RASA1: variants seen among roughly 807,000 people sequenced by gnomAD.
RASA1 encodes the protein ras GTPase-activating protein 1.
Under a neutral mutation model 132.2 loss-of-function variants are expected in RASA1, and 25 were observed. That is an observed-to-expected ratio of 0.19 (90% CI 0.14 to 0.26). The LOEUF is 0.26. Ranked by LOEUF, RASA1 falls within the 10% of genes least tolerant of loss-of-function variation. RASA1 has a pLI of 1.00. For missense variants in RASA1, 964 were observed against 1,299.2 expected, an observed-to-expected ratio of 0.74 and a Z score of 3.97; for synonymous variants, 477 against 449.9, an observed-to-expected ratio of 1.06 and a Z score of -0.76.
intron 24 of RASA1, among the ~76,000 whole-genome samples, chr5:87,390,472 CT>C (rs763324769): frequency 1.5e-4 from 22 of 151,598 alleles, no homozygotes; most frequent in Non-Finnish European, 2.8e-4. Flanking sequence ...CTTGACTTGC[CT>C]TAGATATTAA....
intron 1 of RASA1, among the ~76,000 whole-genome samples, chr5:87,286,978 T>C (rs1336910052): frequency 6.7e-6 from 1 of 148,674 alleles, no homozygotes; most frequent in African/African-American, 2.5e-5. Flanking sequence ...ACCATATATA[T>C]ACCATATATA....
intron 1 of RASA1, chr5:87,294,109 A>G (rs1755018368): frequency 2.0e-5 from 3 of 152,180 alleles, no homozygotes; most frequent in Middle Eastern, 3.4e-3. Flanking sequence ...TTATCTGCTT[A>G]CTTTGGAGTT....
At chr5:87,296,971 C>G (rs1264583535) in intron 1 of RASA1, among the ~76,000 whole-genome samples, 1 of 150,486 alleles carries the variant, frequency 6.6e-6, no homozygotes, top group African/African-American at 2.4e-5. Context: ...TCTTTTTTTT[C>G]TTTGCTTTTC....
intron 1 of RASA1, among the ~76,000 whole-genome samples, chr5:87,285,342 C>T (rs965797243): frequency 6.6e-6 from 1 of 152,016 alleles, no homozygotes; most frequent in Non-Finnish European, 1.5e-5. Flanking sequence ...GCTGGGATTA[C>T]AGGCGTGAGC....
chr5:87,365,883 T>C (rs1280767457), intron 11 of RASA1, among the ~76,000 whole-genome samples: 1 of 152,186 alleles, frequency 6.6e-6, no homozygotes, highest in Non-Finnish European at 1.5e-5. Context: ...ATTATATATA[T>C]GTTTGTCTGT....
chr5:87,362,591 A>C lies in RASA1; in HGVS notation c.1373A>C (p.Glu458Ala), dbSNP rs772447424. Residue 458 changes from glutamate (E) to alanine (A), a missense_variant, in exon 10 of 25, where the codon GAA (glutamate) becomes GCA (alanine). By Grantham distance (107) the Glu-to-Ala change is moderately radical. Transcript: ENST00000274376. The stretch of plus-strand genomic sequence containing the variant: ...CTCAATGACACAGTGGATGGCAAGG[A>C]AATCTATAATACCATCCGTCGTAAA... The part of the protein sequence containing the change: ...QVLNDTVDGK[E>A]IYNTIRRKTK... The C allele has an allele frequency of 1.8e-5, 29 of 1,596,678 alleles. No homozygotes were observed. The highest frequency in any genetic ancestry group is 4.0e-5 in the African/African-American group (3 of 74,522).
chr5:87,298,399 C>T (rs1371509936), intron 1 of RASA1, among the ~76,000 whole-genome samples: 1 of 140,312 alleles, frequency 7.1e-6, no homozygotes, highest in Non-Finnish European at 1.5e-5. Flanking sequence ...GACGACAGAG[C>T]GAGACTCTGT....
At chr5:87,375,293 T>C (rs1761247612) in intron 15 of RASA1, among the ~76,000 whole-genome samples, 1 of 152,042 alleles carries the variant, frequency 6.6e-6, no homozygotes, top group Non-Finnish European at 1.5e-5. Context: ...GGAGTCTTGC[T>C]CTTGTTGCTC....
At chr5:87,270,409 G>A (rs1753774223) in intron 1 of RASA1, among the ~76,000 whole-genome samples, 1 of 147,166 alleles carries the variant, frequency 6.8e-6, no homozygotes, top group Non-Finnish European at 1.5e-5. Flanking sequence ...GTGCAGTGGC[G>A]TGATCTCGGC....
intron 1 of RASA1, among the ~76,000 whole-genome samples, chr5:87,314,741 A>G (rs958243228): frequency 2.0e-5 from 3 of 146,796 alleles, no homozygotes; most frequent in Non-Finnish European, 3.0e-5. Context: ...ATGGTCATTT[A>G]AAAAAAAAAA....
At position 87,374,847 on chromosome 5, in the gene RASA1, C is replaced by T; in HGVS notation, c.1942C>T (p.Pro648Ser). 1 of 1,608,956 alleles carries T rather than the reference C, an allele frequency of 6.2e-7. No homozygotes were observed. Among genetic ancestry groups the T allele is most frequent in the South Asian group, 1.1e-5 (1 of 90,928 alleles). Residue 648 changes from proline (P) to serine (S), a missense_variant, in exon 15 of 25, where the codon CCT becomes TCT. By Grantham distance (74) the Pro-to-Ser change is moderately conservative. This residue lies in a region of RASA1 where 346 missense variants were observed against 520.1 expected (regional missense o/e 0.67). Transcript: ENST00000274376. ...TTCTCCTTGCTCCTTTAGTGATCTT[C>T]CTCCTGACATCAATAGATTTGAAAT... is the stretch of plus-strand genomic sequence containing the variant. ...WSEEFVFDDLPPDINRFEITL... is the reference protein window; with the variant it reads ...WSEEFVFDDLSPDINRFEITL...
chr5:87,378,271 C>T, intron 17 of RASA1, 125 bp from the exon 18 acceptor site: 1 of 1,086,832 alleles, frequency 9.2e-7, no homozygotes, highest in Admixed American at 1.8e-5. Context: ...ACTTTCAACG[C>T]TGCACGCAAA....
chr5:87,373,339 C>T (rs1015650508), intron 13 of RASA1, among the ~76,000 whole-genome samples: 3 of 151,978 alleles, frequency 2.0e-5, no homozygotes, highest in African/African-American at 4.8e-5. Context: ...AGATGATTTA[C>T]GGCATACAGG....
chr5:87,337,388 G>C (rs1169276350), intron 4 of RASA1, among the ~76,000 whole-genome samples: 1 of 152,004 alleles, frequency 6.6e-6, no homozygotes, highest in Non-Finnish European at 1.5e-5. Context: ...TTCAGAGAAA[G>C]AATGCTGTAC....
intron 1 of RASA1, chr5:87,269,278 C>G (rs1028532530): frequency 1.4e-5 from 21 of 1,536,924 alleles, no homozygotes; most frequent in Non-Finnish European, 1.7e-5. Context: ...TCTGTCCCTT[C>G]CAAGTTGAGG....
intron 1 of RASA1, among the ~76,000 whole-genome samples, chr5:87,285,836 C>T (rs1199593953): frequency 6.6e-6 from 1 of 151,874 alleles, no homozygotes; most frequent in East Asian, 2.0e-4. Context: ...CCAGGCTGCT[C>T]TCGAACTCCT....
At chr5:87,360,715 C>T (rs913660928) in intron 9 of RASA1, among the ~76,000 whole-genome samples, 3 of 152,096 alleles carry the variant, frequency 2.0e-5, no homozygotes, top group Non-Finnish European at 4.4e-5. Flanking sequence ...ATATGGTTCA[C>T]TCAGTGATTG....
At position 87,333,250 on chromosome 5, in the gene RASA1, T is replaced by A. The variant is rs1419671978; in HGVS notation, c.829-17T>A. 1 of 1,610,906 alleles carries A rather than the reference T, an allele frequency of 6.2e-7. No homozygotes were observed. The highest frequency in any genetic ancestry group is 1.1e-5 in the South Asian group (1 of 90,208). ...AAAGACTATCTTTTTAAATCTTTTT[T>A]TTTTTATGGTTTCTAGCCAGTAGAA... On this transcript the variant is annotated splice_polypyrimidine_tract_variant and intron_variant, in intron 3 of 24. Transcript: ENST00000274376.
rs186876247 is a variant in RASA1, at chr5:87,286,939, T to C, written c.539+17949T>C. Among the ~76,000 whole-genome samples, 953 of 148,832 alleles carry C rather than the reference T, an allele frequency of 6.4e-3. 5 individuals are homozygous for C. Among genetic ancestry groups the C allele is most frequent in the Middle Eastern group, 0.015 (4 of 272 alleles). ...ACCATATATATACATACCATATATATACACCATATATATACATACCATATA... is the reference window on the plus strand; with the variant it reads ...ACCATATATATACATACCATATATACACACCATATATATACATACCATATA... On this transcript the variant is annotated intron_variant, in intron 1 of 24. Transcript: ENST00000274376.
Sources: gnomAD v4.1 joint callset for allele counts (sites outside exome capture counted in the v4.1 genomes callset) on GRCh38, gnomAD v4.1.1 for gene constraint, gnomAD v4.1.1 regional missense constraint, MANE v1.5 for transcripts, NCBI Gene and HGNC (gene_info 2026-07-23, HGNC 2026-07-21) for gene names.